Variants in RNASEH1 observed in about 807,000 individuals in gnomAD.
The protein encoded by RNASEH1 is ribonuclease H type II.
A neutral mutation model predicts 34.6 loss-of-function variants in RNASEH1; 27 were observed. The observed-to-expected ratio is 0.78, with a 90% confidence interval of 0.58 to 1.08. The LOEUF (loss-of-function observed/expected upper bound fraction) is 1.08, where lower values mean the gene tolerates loss of function less well. Among genes scored for constraint, RNASEH1 ranks in the 50% least tolerant of loss-of-function variants. The probability of loss-of-function intolerance (pLI) is 0.00; values close to 1 mark genes in which losing one functional copy is unlikely to be tolerated. For synonymous variants in RNASEH1, 162 were observed against 138.4 expected (o/e 1.17, Z -1.20); for missense variants, 349 against 373.6 (o/e 0.93, Z 0.54).
rs1353069172 is a variant in RNASEH1, at chr2:3,550,425, G to A, written c.457C>T (p.Arg153Cys). ...YTDGCCSSNG[R>C]RRPRAGIGVY... ...CCGATTCCTGCTCGCGGCCTTCTAC[G>A]CCCATTACTGGAGCAGCAGCCATCA... is the stretch of plus-strand genomic sequence containing the variant. Residue 153 changes from arginine to cysteine, a missense_variant, in exon 4 of 8, where the codon CGT becomes TGT. Coordinates refer to ENST00000315212, the MANE Select transcript of RNASEH1 (RefSeq NM_002936.6). 12 of 1,614,100 alleles carry A rather than the reference G, an allele frequency of 7.4e-6. No homozygotes were observed. The highest frequency in any genetic ancestry group is 1.6e-4 in the Middle Eastern group (1 of 6,062).
chr2:3,537,628 G>A (rs1367364611), downstream of RNASEH1, among the ~76,000 whole-genome samples: 1 of 151,930 alleles, frequency 6.6e-6, no homozygotes, highest in East Asian at 1.9e-4. Flanking sequence ...GGCTGAGGCT[G>A]GAGTATCACT....
Position 3,545,324 on chromosome 2 carries a change from T to C in RNASEH1, c.*461A>G, listed in dbSNP as rs1044370703. On this transcript the variant is annotated 3_prime_UTR_variant, in exon 8 of 8. Transcript: ENST00000315212. ...CTGTCCGCCCAGGCCCTGGGCAGCA[T>C]GTTCCTTTAATGTACCCATGGGCAC... The C allele has an allele frequency of 5.8e-6, 1 of 173,186 alleles. No homozygotes were observed. The highest frequency in any genetic ancestry group is 2.4e-5 in the African/African-American group (1 of 41,844). The allele number at this position is 173,186 out of a possible 1,614,324, so 10.7% of individuals were successfully genotyped here.
chr2:3,536,734 T>C (rs1668008368), downstream of RNASEH1: 1 of 152,310 alleles, frequency 6.6e-6, no homozygotes, highest in South Asian at 2.1e-4. Flanking sequence ...CATTTCAGCC[T>C]GCTCAGGCTG....
chr2:3,532,073 G>C, the RNASEH1 span: 9 of 594,324 alleles, frequency 1.5e-5, 1 homozygote, highest in Non-Finnish European at 2.1e-5. Context: ...TTGACAAAGA[G>C]ATAAGGAGAG....
intron 2 of RNASEH1, among the ~76,000 whole-genome samples, chr2:3,556,182 AAAG>A (rs902786390): frequency 3.9e-5 from 6 of 152,186 alleles, no homozygotes; most frequent in Admixed American, 6.5e-5. Context: ...GGAAAAAAAA[AAAG>A]AAGAAATTCA....
At chr2:3,534,905 A>G in the RNASEH1 span, among the ~76,000 whole-genome samples, 1 of 152,246 alleles carries the variant, frequency 6.6e-6, no homozygotes, top group Admixed American at 6.5e-5. Flanking sequence ...AGCCAGGCCC[A>G]AAAGGCCAAA....
Position 3,548,049 on chromosome 2 carries a change from G to GT in RNASEH1, c.655dup (p.Thr219AsnfsTer2). 1 of 1,613,982 alleles carries GT rather than the reference G, an allele frequency of 6.2e-7. No individual in the cohort carries two copies. The highest frequency in any genetic ancestry group is 1.1e-5 in the South Asian group (1 of 91,064). On this transcript the variant is annotated frameshift_variant, in exon 7 of 8. Transcript: ENST00000315212. LOFTEE classifies it high-confidence loss of function. ...TTTCTTCCAACCTTGAACCCAGTTA[G>GT]TTATACCTACAAAAATGCACGATCA...
At chr2:3,557,995 C>G in intron 1 of RNASEH1, 138 bp downstream of exon 1, 1 of 1,486,020 alleles carries the variant, frequency 6.7e-7, no homozygotes, top group South Asian at 1.4e-5. Context: ...GAAAACGAGG[C>G]GGTCCCCCGA....
In RNASEH1 at chr2:3,543,916, T is replaced by C. The variant is rs1229192968; in HGVS notation, c.*1869A>G. Among the ~76,000 whole-genome samples the C allele has an allele frequency of 6.6e-6, 1 of 152,128 alleles. No homozygotes were observed. Among genetic ancestry groups the C allele is most frequent in the Non-Finnish European group, 1.5e-5 (1 of 68,016 alleles). On this transcript the variant is annotated 3_prime_UTR_variant, in exon 8 of 8. Coordinates refer to ENST00000315212, the MANE Select transcript of RNASEH1 (RefSeq NM_002936.6). ...GGCATAAGACACCATGCCCAGCCCA[T>C]GAATTCTTGTATATATGTAAAAACC...
Position 3,545,674 on chromosome 2 carries a change from A to G in RNASEH1, c.*111T>C. 1.4e-6 allele frequency: 1 copy of G among 738,958 alleles called. No homozygotes were observed. The highest frequency in any genetic ancestry group is 2.5e-6 in the Non-Finnish European group (1 of 402,846). 45.8% of individuals were successfully genotyped at this position (738,958 alleles called of 1,614,324 possible). ...GTGCCTGATTCCGTGTGAAAGACGC[A>G]TCTGCCCATCACTGCAATGGTCCTA... On this transcript the variant is annotated 3_prime_UTR_variant, in exon 8 of 8. Coordinates refer to ENST00000315212, the MANE Select transcript of RNASEH1 (RefSeq NM_002936.6).
the RNASEH1 span, chr2:3,534,095 T>C: frequency 2.0e-5 from 3 of 152,284 alleles, no homozygotes; most frequent in African/African-American, 7.2e-5. Flanking sequence ...CTACCACCTT[T>C]GGGTAGAGAC....
rs1668671748 is a variant in RNASEH1, at chr2:3,545,631, A to G, written c.*154T>C. On this transcript the variant is annotated 3_prime_UTR_variant, in exon 8 of 8. Transcript: ENST00000315212. Reference sequence around the variant, plus strand: ...ATACTTAACCATTTTTTATAAACACATGTCACAGAAGGCCACTGTGCCTGA... The same window carrying G: ...ATACTTAACCATTTTTTATAAACACGTGTCACAGAAGGCCACTGTGCCTGA... The G allele has an allele frequency of 9.6e-6, 6 of 623,164 alleles. No homozygotes were observed. The highest frequency in any genetic ancestry group is 1.7e-5 in the Non-Finnish European group (6 of 344,798). The allele number at this position is 623,164 out of a possible 1,614,324, so 38.6% of individuals were successfully genotyped here.
chr2:3,535,499 A>T, the RNASEH1 span, among the ~76,000 whole-genome samples: 1 of 152,026 alleles, frequency 6.6e-6, no homozygotes, highest in Non-Finnish European at 1.5e-5. Flanking sequence ...TTTAGAAATC[A>T]ATTTTTTACA....
In RNASEH1 at chr2:3,558,089, C is replaced by T. The variant is rs572642299; in HGVS notation, c.128+44G>A. On this transcript the variant is annotated intron_variant, in intron 1 of 7. Transcript: ENST00000315212. ...TTAGCCGGGCTCCGGCCTCCCTCGA[C>T]CCCGATGCCGGCAGGGAGGCGCCTC... The T allele has an allele frequency of 3.4e-3, 5,227 of 1,553,992 alleles. 9 individuals are homozygous for T. The highest frequency in any genetic ancestry group is 4.0e-3 in the Non-Finnish European group (4,645 of 1,152,942).
intron 3 of RNASEH1, among the ~76,000 whole-genome samples, chr2:3,551,029 G>T (rs373978046): frequency 5.3e-5 from 8 of 152,214 alleles, no homozygotes; most frequent in African/African-American, 1.9e-4. Flanking sequence ...AAGGACTGAC[G>T]GGGGCATTCT....
intron 2 of RNASEH1, 87 bp from the exon 3 acceptor site, chr2:3,552,395 G>A: frequency 3.0e-6 from 4 of 1,318,052 alleles, no homozygotes; most frequent in Non-Finnish European, 4.2e-6. Flanking sequence ...AAATTATTTA[G>A]TATCATTAAA....
intron 2 of RNASEH1, 45 bp downstream of exon 2, chr2:3,556,744 C>A: frequency 1.5e-6 from 2 of 1,321,510 alleles, no homozygotes. Flanking sequence ...CATATGAAAG[C>A]CTTTGAATAG....
chr2:3,545,534 G>A lies in RNASEH1; in HGVS notation c.*251C>T, dbSNP rs1668664048. On this transcript the variant is annotated 3_prime_UTR_variant, in exon 8 of 8. Coordinates refer to ENST00000315212, the MANE Select transcript of RNASEH1 (RefSeq NM_002936.6). ...GCCTGCAATAAAACAAGCAAGGACAGTATTGAACCCAGTAAACATAATGTG... is the reference window on the plus strand; with the variant it reads ...GCCTGCAATAAAACAAGCAAGGACAATATTGAACCCAGTAAACATAATGTG... 4 of 524,042 alleles carry A rather than the reference G, an allele frequency of 7.6e-6. No individual in the cohort carries two copies. The South Asian group carries it at 1.0e-4, about 13-fold the overall frequency. The allele number at this position is 524,042 out of a possible 1,614,324, so 32.5% of individuals were successfully genotyped here. A position where few individuals can be genotyped will look rare whatever the true frequency, so the allele number is the denominator to read the frequency against.
intron 2 of RNASEH1, 126 bp from the exon 3 acceptor site, chr2:3,552,434 G>A: frequency 1.2e-6 from 1 of 858,558 alleles, no homozygotes; most frequent in Non-Finnish European, 1.7e-6. Flanking sequence ...TCTCTATGTG[G>A]CCCTACAACG....
Sources: allele counts gnomAD v4.1 joint callset (sites outside exome capture counted in the v4.1 genomes callset), GRCh38; gene constraint gnomAD v4.1.1; transcripts MANE v1.5; gene names NCBI Gene and HGNC (gene_info 2026-07-23, HGNC 2026-07-21).